Variants in CDH4 observed in about 807,000 individuals in gnomAD.
CDH4 encodes the protein cadherin-4.
In CDH4, 33 loss-of-function variants were observed where a neutral mutation model predicts 86.0. The observed-to-expected ratio is 0.38, with a 90% CI of 0.29 to 0.51. The LOEUF is 0.51. CDH4 is among the 20% of genes least tolerant of loss of function. CDH4 has a pLI of 0.86. For synonymous variants in CDH4, 555 were observed against 549.4 expected, an observed-to-expected ratio of 1.01 and a Z score of -0.14; for missense variants, 1,114 against 1,307.4, an observed-to-expected ratio of 0.85 and a Z score of 2.28.
chr20:61,360,343 G>T (rs1347008619), intron 2 of CDH4, among the ~76,000 whole-genome samples: 1 of 152,242 alleles, frequency 6.6e-6, no homozygotes, highest in African/African-American at 2.4e-5. Context: ...TGCCTATTGG[G>T]GCTGGTGTGT....
intron 2 of CDH4, among the ~76,000 whole-genome samples, chr20:61,695,488 T>G (rs2087706156): frequency 6.6e-6 from 1 of 152,146 alleles, no homozygotes; most frequent in Non-Finnish European, 1.5e-5. Flanking sequence ...CCATGGTGCC[T>G]CTCATCCTTG....
intron 6 of CDH4, among the ~76,000 whole-genome samples, chr20:61,869,513 C>T (rs2146142319): frequency 6.6e-6 from 1 of 152,346 alleles, no homozygotes. Flanking sequence ...TCACTGGACC[C>T]AGCCACGTTC....
At chr20:61,374,354 G>A (rs1180834353) in intron 2 of CDH4, among the ~76,000 whole-genome samples, 1 of 152,142 alleles carries the variant, frequency 6.6e-6, no homozygotes, top group Admixed American at 6.5e-5. Context: ...GGTGACTAGG[G>A]CACCCCATCT....
chr20:61,685,365 G>C (rs542157831), intron 2 of CDH4, among the ~76,000 whole-genome samples: 1 of 152,322 alleles, frequency 6.6e-6, no homozygotes, highest in Admixed American at 6.5e-5. Flanking sequence ...GTGAAGCGGG[G>C]TGACTGCCCC....
At chr20:61,795,340 A>G (rs1156349136) in intron 4 of CDH4, among the ~76,000 whole-genome samples, 1 of 151,898 alleles carries the variant, frequency 6.6e-6, no homozygotes, top group African/African-American at 2.4e-5. Context: ...CCTGAGCCCC[A>G]TCAGCCAGTT....
intron 7 of CDH4, among the ~76,000 whole-genome samples, chr20:61,886,207 A>T (rs1215191337): frequency 6.6e-6 from 1 of 152,182 alleles, no homozygotes; most frequent in Non-Finnish European, 1.5e-5. Context: ...GAACTTCAGG[A>T]TCTGAGTTCC....
At chr20:61,728,953 A>G (rs1398383137) in intron 2 of CDH4, among the ~76,000 whole-genome samples, 1 of 152,110 alleles carries the variant, frequency 6.6e-6, no homozygotes, top group African/African-American at 2.4e-5. Context: ...GCCCTGGGAG[A>G]GAGGGACAAA....
chr20:61,858,377 G>A (rs1983156106), intron 6 of CDH4, among the ~76,000 whole-genome samples: 1 of 150,898 alleles, frequency 6.6e-6, no homozygotes, highest in African/African-American at 2.5e-5. Context: ...CTCTGTGTCT[G>A]TATGTGTATC....
intron 2 of CDH4, among the ~76,000 whole-genome samples, chr20:61,626,481 A>T (rs1353183401): frequency 7.6e-6 from 1 of 131,168 alleles, no homozygotes; most frequent in Non-Finnish European, 1.6e-5. Flanking sequence ...TCCCGAAGTC[A>T]GTGCGTTGTG....
intron 2 of CDH4, among the ~76,000 whole-genome samples, chr20:61,387,464 A>G (rs112868129): frequency 1.6e-4 from 25 of 152,222 alleles, no homozygotes; most frequent in African/African-American, 5.8e-4. Context: ...CCACACAAAT[A>G]TATACATACA....
chr20:61,369,277 C>T, intron 2 of CDH4, among the ~76,000 whole-genome samples: 1 of 151,446 alleles, frequency 6.6e-6, no homozygotes, highest in Non-Finnish European at 1.5e-5. Flanking sequence ...ATAGTGAAAC[C>T]CCCTCTCTAC....
At chr20:61,696,727 G>GGGCT (rs1272743321) in intron 2 of CDH4, among the ~76,000 whole-genome samples, 2 of 152,170 alleles carry the variant, frequency 1.3e-5, no homozygotes. Context: ...AGAGGAGAGT[G>GGGCT]GGCTGAATGG....
chr20:61,660,376 C>G (rs1434950304), intron 2 of CDH4, among the ~76,000 whole-genome samples: 1 of 152,212 alleles, frequency 6.6e-6, no homozygotes, highest in East Asian at 1.9e-4. Context: ...ATGAATCAGA[C>G]ATATTAGACA....
chr20:61,528,678 G>C (rs1036535857), intron 2 of CDH4, among the ~76,000 whole-genome samples: 2 of 152,188 alleles, frequency 1.3e-5, no homozygotes, highest in Admixed American at 1.3e-4. Context: ...GAGAGGGGGA[G>C]AAGAGGAGAC....
intron 2 of CDH4, among the ~76,000 whole-genome samples, chr20:61,391,128 C>G (rs2084983120): frequency 6.6e-6 from 1 of 152,108 alleles, no homozygotes; most frequent in African/African-American, 2.4e-5. Flanking sequence ...TGCACGCAGC[C>G]TCAGGCCTCA....
In CDH4 at chr20:61,906,485, C is replaced by T. The variant is rs569255173; in HGVS notation, c.1189-3937C>T. Among the ~76,000 whole-genome samples, 56 of 152,366 alleles carry T rather than the reference C, an allele frequency of 3.7e-4. 1 individual carries two copies. In the South Asian group the frequency reaches 6.0e-3, roughly 16 times the overall value. ...AACCCTCCCACAGAGGCCTGAAGGCCAGAAGCTACAGAGGGCTGCCAAGTG... is the reference window on the plus strand; with the variant it reads ...AACCCTCCCACAGAGGCCTGAAGGCTAGAAGCTACAGAGGGCTGCCAAGTG... On this transcript the variant is annotated intron_variant, in intron 8 of 15. Transcript: ENST00000614565.
At chr20:61,293,940 G>A (rs1291569028) in intron 2 of CDH4, among the ~76,000 whole-genome samples, 5 of 152,300 alleles carry the variant, frequency 3.3e-5, no homozygotes, top group African/African-American at 9.6e-5. Context: ...CGTAGGCACA[G>A]GGAAGCTGGT....
At chr20:61,552,647 C>G (rs2086141634) in intron 2 of CDH4, among the ~76,000 whole-genome samples, 1 of 152,082 alleles carries the variant, frequency 6.6e-6, no homozygotes, top group African/African-American at 2.4e-5. Context: ...TTGCAGTGAG[C>G]CAAGATCATG....
chr20:61,924,296 C>A, intron 10 of CDH4, 38 bp from the exon 11 acceptor site: 1 of 1,586,220 alleles, frequency 6.3e-7, no homozygotes, highest in Admixed American at 1.7e-5. Context: ...CCCGCCCACC[C>A]CCAGCCTTAC....
Sources: gnomAD v4.1 joint callset for allele counts (sites outside exome capture counted in the v4.1 genomes callset) on GRCh38, gnomAD v4.1.1 for gene constraint, MANE v1.5 for transcripts, NCBI Gene and HGNC (gene_info 2026-07-23, HGNC 2026-07-21) for gene names.